DENND1B: variants seen among roughly 807,000 people sequenced by gnomAD.
DENND1B encodes the protein DENN domain-containing protein 1B.
A neutral mutation model predicts 90.1 loss-of-function variants in DENND1B; 59 were observed. The observed-to-expected ratio is 0.65, with a 90% CI of 0.53 to 0.81. The LOEUF (loss-of-function observed/expected upper bound fraction) is 0.81. Ranked by LOEUF, DENND1B falls within the 40% of genes least tolerant of loss-of-function variation. The pLI is 0.00. For missense variants in DENND1B, 862 were observed against 912.6 expected (o/e 0.94, Z 0.71); for synonymous variants, 337 against 324.6 (o/e 1.04, Z -0.41).
intron 2 of DENND1B, among the ~76,000 whole-genome samples, chr1:197,737,959 ACATAGAT>A (rs1169456522): frequency 6.6e-6 from 1 of 152,218 alleles, no homozygotes; most frequent in Non-Finnish European, 1.5e-5. Context: ...GGAGAGGGTA[ACATAGAT>A]ATCTGACCTG....
chr1:197,638,097 T>G (rs1342949923), intron 10 of DENND1B, among the ~76,000 whole-genome samples: 1 of 152,246 alleles, frequency 6.6e-6, no homozygotes. Context: ...TTTCCAGAGA[T>G]CGAAAGATTT....
At chr1:197,558,135 A>G (rs909800310) in intron 15 of DENND1B, among the ~76,000 whole-genome samples, 2 of 151,804 alleles carry the variant, frequency 1.3e-5, no homozygotes, top group Admixed American at 6.6e-5. Flanking sequence ...TTTTTAAAAG[A>G]ACTTAAGAAT....
intron 20 of DENND1B, among the ~76,000 whole-genome samples, chr1:197,523,298 C>T (rs1253579262): frequency 1.3e-5 from 2 of 152,034 alleles, no homozygotes; most frequent in Non-Finnish European, 2.9e-5. Context: ...GAACAGAATC[C>T]TATATTGATA....
chr1:197,612,363 G>T (rs4915556), intron 11 of DENND1B, among the ~76,000 whole-genome samples: 1 of 150,392 alleles, frequency 6.6e-6, no homozygotes. Context: ...ATTAACATCC[G>T]TTTTGCACAT....
intron 7 of DENND1B, among the ~76,000 whole-genome samples, chr1:197,647,911 T>C (rs982864837): frequency 2.0e-5 from 3 of 150,602 alleles, no homozygotes; most frequent in African/African-American, 7.3e-5. Context: ...CACGCCATTG[T>C]TTTCCAACCT....
intron 2 of DENND1B, among the ~76,000 whole-genome samples, chr1:197,765,040 C>T (rs1655532182): frequency 6.6e-6 from 1 of 152,136 alleles, no homozygotes; most frequent in Non-Finnish European, 1.5e-5. Context: ...ATACTAAGTG[C>T]TCTTTAAGGA....
Position 197,512,928 on chromosome 1 carries a change from C to T in DENND1B, c.1541G>A (p.Ser514Asn), listed in dbSNP as rs1668132499. ...ATCATCATATAGAGCACCATCAAGG[C>T]TCTTAAGAGGCCTTTTTAAGCGTGC... is the stretch of plus-strand genomic sequence containing the variant. ...AQARLKRPLK[S>N]LDGALYDDED... is the part of the protein sequence containing the mutation. Residue 514 changes from serine (S) to asparagine (N), a missense_variant, in exon 21 of 23, where the codon AGC becomes AAC. Ser to Asn is a conservative substitution (Grantham distance 46, BLOSUM62 1). Transcript: ENST00000620048. 1.2e-6 allele frequency: 2 copies of T among 1,610,180 alleles called. No homozygotes were observed. Among genetic ancestry groups the T allele is most frequent in the Non-Finnish European group, 1.7e-6 (2 of 1,177,860 alleles).
intron 10 of DENND1B, among the ~76,000 whole-genome samples, chr1:197,624,570 T>C (rs1162284401): frequency 2.0e-5 from 3 of 151,550 alleles, no homozygotes; most frequent in Non-Finnish European, 4.4e-5. Flanking sequence ...ATTGATAAGC[T>C]GGATTTCATT....
chr1:197,531,187 C>A (rs972213258), intron 20 of DENND1B, among the ~76,000 whole-genome samples: 3 of 152,152 alleles, frequency 2.0e-5, no homozygotes, highest in South Asian at 4.1e-4. Context: ...ACACAGACAG[C>A]CTCACTGTTA....
At position 197,540,071 on chromosome 1, in the gene DENND1B, C is replaced by A. The variant is rs1318589002; in HGVS notation, c.1408G>T (p.Glu470Ter). 6 of 1,594,828 alleles carry A rather than the reference C, an allele frequency of 3.8e-6. No individual in the cohort carries two copies. The highest frequency in any genetic ancestry group is 5.1e-6 in the Non-Finnish European group (6 of 1,169,120). The stretch of plus-strand genomic sequence containing the variant: ...CAGGTCCCATAATCTTCTTCATTTT[C>A]CTACACATGAAAAAATATACAGGCA... ...KEVKSKLKHK[E>*]NEEDYGTCSS... The change falls in exon 20 of 23, where the codon GAA becomes TAA. Residue 470 changes from glutamate to a stop codon, truncating the protein, a stop_gained and splice_region_variant. Transcript: ENST00000620048. LOFTEE classifies it high-confidence loss of function.
chr1:197,678,659 C>G (rs1656335238), intron 3 of DENND1B, among the ~76,000 whole-genome samples: 1 of 152,150 alleles, frequency 6.6e-6, no homozygotes. Context: ...GTTATATTAA[C>G]AGGGTGATTA....
At chr1:197,757,180 GAAAGA>G (rs1287743451) in intron 2 of DENND1B, 1 of 151,984 alleles carries the variant, frequency 6.6e-6, no homozygotes, top group Non-Finnish European at 1.5e-5. Context: ...GTTTACAGAA[GAAAGA>G]AAAGGAGGAT....
At chr1:197,625,412 C>T (rs1678592569) in intron 10 of DENND1B, among the ~76,000 whole-genome samples, 2 of 152,076 alleles carry the variant, frequency 1.3e-5, no homozygotes, top group African/African-American at 4.8e-5. Context: ...TCCAGCCAAA[C>T]TAAGCTTCAT....
chr1:197,601,588 G>C (rs139924477), intron 13 of DENND1B, among the ~76,000 whole-genome samples: 2 of 151,656 alleles, frequency 1.3e-5, no homozygotes, highest in Admixed American at 1.3e-4. Context: ...TAAAAGAAAG[G>C]CTAGGTAATT....
chr1:197,628,595 C>T (rs980741621), intron 10 of DENND1B, among the ~76,000 whole-genome samples: 6 of 152,132 alleles, frequency 3.9e-5, no homozygotes, highest in African/African-American at 1.4e-4. Flanking sequence ...CTAGGTGTTA[C>T]CATTCAGGAC....
chr1:197,775,042 G>T (rs1571713752), intron 1 of DENND1B, 97 bp downstream of exon 1: 11 of 880,246 alleles, frequency 1.2e-5, no homozygotes, highest in Non-Finnish European at 1.6e-5. Flanking sequence ...GCCGCCCGGG[G>T]AGCCGGTTGA....
At chr1:197,633,541 G>T (rs116419844) in intron 10 of DENND1B, among the ~76,000 whole-genome samples, 1 of 152,164 alleles carries the variant, frequency 6.6e-6, no homozygotes, top group East Asian at 1.9e-4. Flanking sequence ...CTCATCAAGG[G>T]CTGGCTCCTA....
intron 12 of DENND1B, among the ~76,000 whole-genome samples, chr1:197,610,415 C>A (rs1677075301): frequency 6.7e-6 from 1 of 149,372 alleles, no homozygotes; most frequent in Non-Finnish European, 1.5e-5. Flanking sequence ...TTTGGAAACG[C>A]TGAATCATTT....
Position 197,510,759 on chromosome 1 carries a change from C to G in DENND1B, c.2029G>C (p.Val677Leu), listed in dbSNP as rs1667968734. 6.2e-7 allele frequency: 1 copy of G among 1,612,500 alleles called. No homozygotes were observed. Among genetic ancestry groups the G allele is most frequent in the Non-Finnish European group, 8.5e-7 (1 of 1,179,180 alleles). Residue 677 changes from valine to leucine, a missense_variant, in exon 23 of 23, where the codon GTG becomes CTG. Coordinates refer to ENST00000620048, the MANE Select transcript of DENND1B (RefSeq NM_001195215.2). ...TCCAGTCCTGAAGTAGGGTCACTCA[C>G]ATTGTCAGCACCGAGGTGCTTGTTA... ...NSNKHLGADNVSDPTSGLDFQ... is the reference protein window; with the variant it reads ...NSNKHLGADNLSDPTSGLDFQ...
Sources: allele counts gnomAD v4.1 joint callset (sites outside exome capture counted in the v4.1 genomes callset), GRCh38; gene constraint gnomAD v4.1.1; transcripts MANE v1.5; gene names NCBI Gene and HGNC (gene_info 2026-07-23, HGNC 2026-07-21).